NFXL1: variants seen among roughly 807,000 people sequenced by gnomAD.
The protein encoded by NFXL1 is NF-X1-type zinc finger protein NFXL1.
In NFXL1, 66 loss-of-function variants were observed where a neutral mutation model predicts 123.3. That is an observed-to-expected ratio of 0.54 (90% CI 0.44 to 0.66). The LOEUF is 0.66. NFXL1 is among the 30% of genes least tolerant of loss of function. The pLI, the probability that NFXL1 is intolerant of heterozygous loss-of-function variation, is 0.00. For missense variants in NFXL1, 944 were observed against 1,125.6 expected, an observed-to-expected ratio of 0.84 and a Z score of 2.31; for synonymous variants, 346 against 360.8, an observed-to-expected ratio of 0.96 and a Z score of 0.46.
intron 18 of NFXL1, among the ~76,000 whole-genome samples, chr4:47,870,626 C>T (rs940156881): frequency 5.3e-5 from 8 of 151,758 alleles, no homozygotes; most frequent in African/African-American, 4.8e-5. Context: ...ATGCAAAGGA[C>T]GTCAACAGCC....
At chr4:47,878,176 A>G (rs1735865685) in intron 17 of NFXL1, among the ~76,000 whole-genome samples, 1 of 151,422 alleles carries the variant, frequency 6.6e-6, no homozygotes, top group Admixed American at 6.6e-5. Flanking sequence ...CTCTAAACTC[A>G]GATATGAACA....
At chr4:47,866,213 T>C (rs1735064425) in intron 18 of NFXL1, among the ~76,000 whole-genome samples, 1 of 151,820 alleles carries the variant, frequency 6.6e-6, no homozygotes, top group African/African-American at 2.4e-5. Flanking sequence ...GGGAAGAAGG[T>C]AAAAAGGGAA....
At chr4:47,872,796 G>C (rs917530374) in intron 18 of NFXL1, among the ~76,000 whole-genome samples, 6 of 152,144 alleles carry the variant, frequency 3.9e-5, no homozygotes, top group Non-Finnish European at 8.8e-5. Context: ...GCTGCTGACT[G>C]ATCAGGGTGG....
intron 17 of NFXL1, 30 bp downstream of exon 17, chr4:47,878,495 G>A (rs1449740792): frequency 6.8e-7 from 1 of 1,473,728 alleles, no homozygotes; most frequent in East Asian, 2.5e-5. Context: ...AATACTATGG[G>A]CAGATATACA....
At chr4:47,899,708 T>C (rs569897368) in intron 5 of NFXL1, among the ~76,000 whole-genome samples, 160 bp from the exon 6 acceptor site, 1 of 152,366 alleles carries the variant, frequency 6.6e-6, no homozygotes, top group African/African-American at 2.4e-5. Context: ...TATTAAAATC[T>C]ATTTCAACCA....
At chr4:47,862,717 T>G (rs1454838556) in intron 19 of NFXL1, 129 bp downstream of exon 19, 12 of 709,022 alleles carry the variant, frequency 1.7e-5, no homozygotes, top group Admixed American at 5.3e-5. Flanking sequence ...CCTAACTATA[T>G]GTCTTACGTG....
chr4:47,861,942 TA>T (rs1381786814), intron 19 of NFXL1, among the ~76,000 whole-genome samples: 1 of 152,224 alleles, frequency 6.6e-6, no homozygotes, highest in African/African-American at 2.4e-5. Context: ...TTTCTGACTC[TA>T]AATAAGGTGA....
intron 22 of NFXL1, among the ~76,000 whole-genome samples, chr4:47,850,317 C>G (rs1223877320): frequency 6.6e-6 from 1 of 152,072 alleles, no homozygotes; most frequent in African/African-American, 2.4e-5. Context: ...TCTAATGTTC[C>G]TAATTGTTCT....
chr4:47,901,738 C>T (rs531042446), intron 5 of NFXL1, among the ~76,000 whole-genome samples: 41 of 152,308 alleles, frequency 2.7e-4, no homozygotes, highest in African/African-American at 9.4e-4. Flanking sequence ...TTTGGCTCCA[C>T]TACTTAAGAG....
chr4:47,878,985 G>C (rs749164713), intron 16 of NFXL1, 111 bp downstream of exon 16: 102 of 695,122 alleles, frequency 1.5e-4, no homozygotes, highest in Non-Finnish European at 2.1e-4. Flanking sequence ...CTTTATAACA[G>C]TAAAATAACA....
rs3057881 is a variant in NFXL1, at chr4:47,899,138, CAAAA to C, written c.827-22_827-19del. 0.15 allele frequency: 176,596 copies of C among 1,171,872 alleles called. 38 individuals are homozygous for C. Among genetic ancestry groups the C allele is most frequent in the Non-Finnish European group, 0.16 (143,638 of 900,538 alleles). 72.6% of individuals were successfully genotyped at this position (1,171,872 alleles called of 1,614,324 possible). On this transcript the variant is annotated intron_variant, in intron 6 of 22. Transcript: ENST00000507489. ...GCAGGGACCTAGAATTCAGTAAAAG[CAAAA>C]AAAAAAAAAAAAAAAAAATCTAAAG...
intron 10 of NFXL1, among the ~76,000 whole-genome samples, chr4:47,895,864 C>T (rs1737055136): frequency 6.6e-6 from 1 of 152,208 alleles, no homozygotes. Context: ...GCCTTCCTCA[C>T]TAGCTTAATC....
chr4:47,847,983 G>A lies in NFXL1; in HGVS notation c.*180C>T. On this transcript the variant is annotated 3_prime_UTR_variant, in exon 23 of 23. Transcript: ENST00000507489. The stretch of plus-strand genomic sequence containing the variant: ...CTTCACTTTAAAACAGTATTATACT[G>A]CCCTTTCTAGTATACTAATTAAGAT... 2.1e-6 allele frequency: 1 copy of A among 475,676 alleles called. No individual in the cohort carries two copies. The highest frequency in any genetic ancestry group is 3.7e-6 in the Non-Finnish European group (1 of 270,292). 29.5% of individuals were successfully genotyped at this position (475,676 alleles called of 1,614,324 possible). A position where few individuals can be genotyped will look rare whatever the true frequency, so the allele number is the denominator to read the frequency against.
chr4:47,851,399 T>A (rs778705823), intron 21 of NFXL1, among the ~76,000 whole-genome samples: 1 of 152,116 alleles, frequency 6.6e-6, no homozygotes, highest in Admixed American at 6.6e-5. Flanking sequence ...CGGTATTACA[T>A]CGTAATTCAA....
chr4:47,859,378 G>A (rs1032213890), intron 19 of NFXL1, among the ~76,000 whole-genome samples: 1 of 152,108 alleles, frequency 6.6e-6, no homozygotes, highest in African/African-American at 2.4e-5. Flanking sequence ...AACTAAGTCC[G>A]TTACATGTTA....
chr4:47,885,362 T>A, intron 14 of NFXL1, 136 bp downstream of exon 14: 1 of 662,076 alleles, frequency 1.5e-6, no homozygotes, highest in Non-Finnish European at 2.5e-6. Flanking sequence ...AATCAAGTCT[T>A]GATTACCTTG....
intron 2 of NFXL1, among the ~76,000 whole-genome samples, chr4:47,911,379 G>A (rs1012534509): frequency 6.6e-6 from 1 of 152,190 alleles, no homozygotes; most frequent in African/African-American, 2.4e-5. Flanking sequence ...GAGGGAACAT[G>A]TCCACAGTGA....
At chr4:47,878,461 T>A in intron 17 of NFXL1, 64 bp downstream of exon 17, 1 of 1,239,748 alleles carries the variant, frequency 8.1e-7, no homozygotes, top group Non-Finnish European at 1.1e-6. Context: ...ATTTATGGTA[T>A]AACTGTTGAA....
rs768168520 is a variant in NFXL1, at chr4:47,898,779, C to T, written c.1067G>A (p.Ser356Asn). 6.2e-7 allele frequency: 1 copy of T among 1,611,692 alleles called. No homozygotes were observed. The highest frequency in any genetic ancestry group is 8.5e-7 in the Non-Finnish European group (1 of 1,177,836). ...GKKVAERSCA[S>N]PLWHCDQVCG... ...TACTTGATCACAGTGCCATAGTGGA[C>T]TTGCACAACTTCTTTCAGCTACTTT... is the stretch of plus-strand genomic sequence containing the variant. Residue 356 changes from serine to asparagine, a missense_variant, in exon 8 of 23, where the codon AGT (serine) becomes AAT (asparagine). By Grantham distance (46) the Ser-to-Asn change is conservative (BLOSUM62 1). Transcript: ENST00000507489.
Sources: gnomAD v4.1 joint callset for allele counts (sites outside exome capture counted in the v4.1 genomes callset) on GRCh38, gnomAD v4.1.1 for gene constraint, MANE v1.5 for transcripts, NCBI Gene and HGNC (gene_info 2026-07-23, HGNC 2026-07-21) for gene names.